Variants in RBFOX3 observed in about 807,000 individuals in gnomAD.
The protein encoded by RBFOX3 is RNA binding fox-1 homolog 3.
Under a neutral mutation model 48.7 loss-of-function variants are expected in RBFOX3, and 17 were observed. The ratio of observed to expected loss-of-function variants is 0.35; its 90% CI spans 0.24 to 0.52. The LOEUF (loss-of-function observed/expected upper bound fraction) is 0.52, where lower values mean the gene tolerates loss of function less well. Among genes scored for constraint, RBFOX3 ranks in the 20% least tolerant of loss-of-function variants. RBFOX3 has a pLI of 0.94. For missense variants in RBFOX3, 382 were observed against 497.5 expected (o/e 0.77, Z 2.21); for synonymous variants, 212 against 209.5 (o/e 1.01, Z -0.10).
At chr17:79,628,952 T>G in the RBFOX3 span, among the ~76,000 whole-genome samples, 1 of 152,212 alleles carries the variant, frequency 6.6e-6, no homozygotes, top group Non-Finnish European at 1.5e-5. Context: ...TGAGCTGCCT[T>G]CGTGATCCAC....
chr17:79,159,723 T>A (rs1172640735), intron 4 of RBFOX3, among the ~76,000 whole-genome samples: 1 of 148,554 alleles, frequency 6.7e-6, no homozygotes, highest in Non-Finnish European at 1.5e-5. Flanking sequence ...CGTGCACCCA[T>A]CACTTACACA....
chr17:79,292,465 C>T (rs543613524), intron 3 of RBFOX3, among the ~76,000 whole-genome samples: 2 of 151,900 alleles, frequency 1.3e-5, no homozygotes, highest in Non-Finnish European at 2.9e-5. Flanking sequence ...AGCATGTCCC[C>T]GGCACATGGA....
chr17:79,447,770 G>A (rs973782758), intron 2 of RBFOX3, among the ~76,000 whole-genome samples: 21 of 152,328 alleles, frequency 1.4e-4, no homozygotes, highest in East Asian at 1.9e-4. Flanking sequence ...GCTGTGGGCC[G>A]TGCTGAGGGG....
intron 3 of RBFOX3, among the ~76,000 whole-genome samples, chr17:79,272,582 G>A (rs746227370): frequency 1.4e-4 from 22 of 152,168 alleles, no homozygotes; most frequent in South Asian, 4.1e-4. Context: ...TGGCCCCTTC[G>A]TTTCCTGAGG....
chr17:79,120,452 T>C (rs940759570), intron 4 of RBFOX3, among the ~76,000 whole-genome samples: 5 of 150,706 alleles, frequency 3.3e-5, no homozygotes, highest in Non-Finnish European at 7.4e-5. Flanking sequence ...GGTGGGTAGA[T>C]GGATGAGTGA....
rs542011646 is a variant in RBFOX3, at chr17:79,134,395, C to T, written c.-33-18647G>A. 5.4e-4 allele frequency among the ~76,000 whole-genome samples: 82 copies of T among 152,320 alleles called. 1 individual carries two copies. Among genetic ancestry groups the T allele is most frequent in the African/African-American group, 1.8e-3 (75 of 41,562 alleles). Reference sequence around the variant, plus strand: ...TGGGGGTGCTTGGGAGTTGGTGGTCCGGGCAGTGGCTCTGGGAGGGAGACT... The same window carrying T: ...TGGGGGTGCTTGGGAGTTGGTGGTCTGGGCAGTGGCTCTGGGAGGGAGACT... On this transcript the variant is annotated intron_variant, in intron 4 of 14. Coordinates refer to ENST00000693108, the MANE Select transcript of RBFOX3 (RefSeq NM_001350451.2).
chr17:79,239,746 G>A lies in RBFOX3; in HGVS notation c.-73-3941C>T, dbSNP rs535547691. The stretch of plus-strand genomic sequence containing the variant: ...TCCTGGTGTCCCCAGACACTGGTGT[G>A]GGGCCACCATGGACCAGAGGCAGTG... On this transcript the variant is annotated intron_variant, in intron 3 of 14. Transcript: ENST00000693108. Among the ~76,000 whole-genome samples the A allele has an allele frequency of 4.6e-5, 7 of 152,392 alleles. No homozygotes were observed. The East Asian group carries it at 1.4e-3, about 29-fold the overall frequency.
intron 1 of RBFOX3, among the ~76,000 whole-genome samples, chr17:79,572,975 A>G (rs2092731404): frequency 6.6e-6 from 1 of 152,182 alleles, no homozygotes; most frequent in Admixed American, 6.5e-5. Context: ...TAGGATAAGT[A>G]TATCCCATGC....
intron 5 of RBFOX3, among the ~76,000 whole-genome samples, chr17:79,112,904 C>CGGGGCGG (rs1555693090): frequency 2.9e-4 from 3 of 10,356 alleles, no homozygotes; most frequent in African/African-American, 9.2e-4. Flanking sequence ...AGCAGGCTCT[C>CGGGGCGG]GGGGGGGGGG....
intron 2 of RBFOX3, among the ~76,000 whole-genome samples, chr17:79,380,167 C>G (rs2059722814): frequency 6.6e-6 from 1 of 151,916 alleles, no homozygotes; most frequent in Non-Finnish European, 1.5e-5. Flanking sequence ...GGCTCCCCCA[C>G]CTAACAAATC....
chr17:79,554,425 CTCACCT>C (rs2091437636), intron 1 of RBFOX3, among the ~76,000 whole-genome samples: 34 of 115,868 alleles, frequency 2.9e-4, no homozygotes, highest in African/African-American at 1.3e-3. Flanking sequence ...ACAGTCACCC[CTCACCT>C]GGCCCTCTCC....
intron 2 of RBFOX3, among the ~76,000 whole-genome samples, chr17:79,333,983 C>A (rs1442411141): frequency 6.6e-6 from 1 of 152,264 alleles, no homozygotes; most frequent in South Asian, 2.1e-4. Context: ...CATGTCCCCA[C>A]CCCTCCCTTG....
chr17:79,576,476 C>A (rs1886398427), intron 1 of RBFOX3, among the ~76,000 whole-genome samples: 2 of 141,900 alleles, frequency 1.4e-5, no homozygotes. Flanking sequence ...AGAAGATGGA[C>A]AACATGGAGA....
intron 4 of RBFOX3, among the ~76,000 whole-genome samples, chr17:79,219,924 C>G (rs1225795789): frequency 6.6e-6 from 1 of 150,734 alleles, no homozygotes; most frequent in Non-Finnish European, 1.5e-5. Flanking sequence ...GGGCCCAGCC[C>G]CCTGTCCCAG....
At chr17:79,416,667 G>A (rs935326276) in intron 2 of RBFOX3, among the ~76,000 whole-genome samples, 4 of 152,108 alleles carry the variant, frequency 2.6e-5, no homozygotes, top group East Asian at 1.9e-4. Flanking sequence ...GCCCTCCCCC[G>A]CACCCACCCC....
intron 1 of RBFOX3, among the ~76,000 whole-genome samples, chr17:79,591,973 G>A (rs1052440549): frequency 7.9e-5 from 12 of 151,660 alleles, no homozygotes; most frequent in South Asian, 4.2e-4. Context: ...ACGTGTGCAC[G>A]CATGTGGTAT....
intron 2 of RBFOX3, among the ~76,000 whole-genome samples, chr17:79,387,118 G>T (rs2060662157): frequency 6.6e-6 from 1 of 152,176 alleles, no homozygotes; most frequent in Non-Finnish European, 1.5e-5. Flanking sequence ...GCTCCCTGGG[G>T]TCCCTCTTGA....
At chr17:79,301,817 C>T (rs564677031) in intron 3 of RBFOX3, among the ~76,000 whole-genome samples, 1 of 152,224 alleles carries the variant, frequency 6.6e-6, no homozygotes, top group African/African-American at 2.4e-5. Context: ...GTGAATGAGC[C>T]CCGAAGATCT....
At chr17:79,259,713 C>T (rs1022104041) in intron 3 of RBFOX3, among the ~76,000 whole-genome samples, 25 of 152,188 alleles carry the variant, frequency 1.6e-4, no homozygotes, top group Middle Eastern at 3.4e-3. Context: ...CTGCGTTCCC[C>T]GGGAGCCAGG....
Sources: allele counts gnomAD v4.1 joint callset (sites outside exome capture counted in the v4.1 genomes callset), GRCh38; gene constraint gnomAD v4.1.1; transcripts MANE v1.5; gene names NCBI Gene and HGNC (gene_info 2026-07-23, HGNC 2026-07-21).